Variants in LRP1B observed in about 807,000 individuals in gnomAD.
LRP1B encodes LDL receptor related protein 1B.
A neutral mutation model predicts 556.6 loss-of-function variants in LRP1B; 217 were observed. The observed-to-expected ratio is 0.39, with a 90% CI of 0.35 to 0.44. The LOEUF (loss-of-function observed/expected upper bound fraction) is 0.44, where lower values mean the gene tolerates loss of function less well. LRP1B is among the 20% of genes least tolerant of loss of function. The pLI is 1.00. For missense variants in LRP1B, 5,053 were observed against 5,620.8 expected, an observed-to-expected ratio of 0.90 and a Z score of 3.23; for synonymous variants, 2,047 against 1,865.8, an observed-to-expected ratio of 1.10 and a Z score of -2.50.
intron 1 of LRP1B, among the ~76,000 whole-genome samples, chr2:141,824,845 T>C (rs1478986123): frequency 6.6e-6 from 1 of 152,114 alleles, no homozygotes; most frequent in African/African-American, 2.4e-5. Context: ...CCTAATCTCA[T>C]CTCGAATTGT....
chr2:140,827,634 A>C (rs999111099), intron 31 of LRP1B, among the ~76,000 whole-genome samples: 4 of 152,086 alleles, frequency 2.6e-5, no homozygotes, highest in Non-Finnish European at 5.9e-5. Flanking sequence ...AATAACCTCA[A>C]AAGTGTAAAT....
intron 32 of LRP1B, among the ~76,000 whole-genome samples, chr2:140,794,751 T>C (rs915888410): frequency 2.0e-5 from 3 of 152,072 alleles, no homozygotes; most frequent in Admixed American, 2.0e-4. Context: ...GTAGCTGGTA[T>C]TACAGGCATG....
At chr2:140,873,209 G>T (rs182442108) in intron 25 of LRP1B, among the ~76,000 whole-genome samples, 31 of 152,128 alleles carry the variant, frequency 2.0e-4, no homozygotes, top group African/African-American at 6.5e-4. Context: ...ATATTATAAG[G>T]TGTCAAAATT....
chr2:140,281,988 A>T (rs1483591508), intron 84 of LRP1B, among the ~76,000 whole-genome samples: 1 of 131,514 alleles, frequency 7.6e-6, no homozygotes, highest in Non-Finnish European at 1.8e-5. Context: ...GGATGAGATA[A>T]TAAGGAAAAG....
intron 7 of LRP1B, among the ~76,000 whole-genome samples, chr2:141,137,012 A>T (rs1206530995): frequency 6.8e-6 from 1 of 147,496 alleles, no homozygotes; most frequent in Non-Finnish European, 1.5e-5. Flanking sequence ...TGATTCTAAC[A>T]AAATGTGCAG....
At chr2:140,321,882 T>G (rs2105052693) in intron 82 of LRP1B, 81 bp downstream of exon 82, 1 of 1,372,768 alleles carries the variant, frequency 7.3e-7, no homozygotes, top group Non-Finnish European at 1.0e-6. Context: ...ATGGAACAGA[T>G]AATTTCACTC....
intron 83 of LRP1B, among the ~76,000 whole-genome samples, chr2:140,302,241 G>T (rs918450184): frequency 6.6e-6 from 1 of 151,956 alleles, no homozygotes; most frequent in Non-Finnish European, 1.5e-5. Flanking sequence ...CTGTCTAAAT[G>T]CCTCTGTCCC....
At chr2:140,504,971 A>G (rs144147966) in intron 53 of LRP1B, among the ~76,000 whole-genome samples, 12 of 152,322 alleles carry the variant, frequency 7.9e-5, no homozygotes, top group Non-Finnish European at 1.0e-4. Context: ...CAAAATGTAC[A>G]CTGGCCTCTG....
At chr2:140,944,925 A>C (rs1029236981) in intron 20 of LRP1B, among the ~76,000 whole-genome samples, 1 of 152,316 alleles carries the variant, frequency 6.6e-6, no homozygotes, top group Non-Finnish European at 1.5e-5. Flanking sequence ...ATCAGTTAAT[A>C]GAATGAAATA....
intron 3 of LRP1B, among the ~76,000 whole-genome samples, chr2:141,357,199 G>A (rs568946947): frequency 6.6e-6 from 1 of 152,104 alleles, no homozygotes; most frequent in South Asian, 2.1e-4. Context: ...GGGACTACAG[G>A]CGTGCACCAC....
chr2:140,541,918 A>G lies in LRP1B; in HGVS notation c.7248T>C (p.Asn2416=), dbSNP rs757953483. ...TTCCCCAGTCCGACCAGAATATATAATTGTCATAAACAGCCAAACTGAGGA... is the reference window on the plus strand; with the variant it reads ...TTCCCCAGTCCGACCAGAATATATAGTTGTCATAAACAGCCAAACTGAGGA... ...GTFLSLAVYD[N]YIFWSDWGRR... Residue 2416 remains asparagine (N), a synonymous_variant, in exon 44 of 91, where the codon AAT becomes AAC. Coordinates refer to ENST00000389484, the MANE Select transcript of LRP1B (RefSeq NM_018557.3). 2.5e-6 allele frequency: 4 copies of G among 1,611,864 alleles called. No homozygotes were observed. Among genetic ancestry groups the G allele is most frequent in the Non-Finnish European group, 3.4e-6 (4 of 1,178,598 alleles).
chr2:141,675,430 T>C (rs960694886), intron 2 of LRP1B, among the ~76,000 whole-genome samples: 1 of 151,890 alleles, frequency 6.6e-6, no homozygotes, highest in Non-Finnish European at 1.5e-5. Context: ...CCATAGAACA[T>C]AGTAGTAAGA....
intron 46 of LRP1B, among the ~76,000 whole-genome samples, chr2:140,536,251 G>T (rs1690961820): frequency 1.5e-5 from 2 of 134,106 alleles, no homozygotes; most frequent in African/African-American, 2.8e-5. Flanking sequence ...GAAGTGGGAG[G>T]ATTGCTTGAG....
At chr2:141,411,663 T>C (rs902469831) in intron 3 of LRP1B, among the ~76,000 whole-genome samples, 3 of 152,152 alleles carry the variant, frequency 2.0e-5, no homozygotes, top group Non-Finnish European at 4.4e-5. Flanking sequence ...TATTCTGTCC[T>C]GCTAATGCAG....
chr2:141,681,998 T>A (rs1296286032), intron 2 of LRP1B, among the ~76,000 whole-genome samples: 1 of 152,162 alleles, frequency 6.6e-6, no homozygotes, highest in Non-Finnish European at 1.5e-5. Flanking sequence ...CTCTCAATTC[T>A]TGCTTTAACT....
At chr2:142,070,032 C>A (rs1215807710) in intron 1 of LRP1B, among the ~76,000 whole-genome samples, 7 of 151,746 alleles carry the variant, frequency 4.6e-5, no homozygotes, top group Admixed American at 4.6e-4. Flanking sequence ...TTATAGACCT[C>A]TTCTTAGCCT....
chr2:140,825,002 G>A (rs1257952235), intron 31 of LRP1B, among the ~76,000 whole-genome samples: 6 of 152,074 alleles, frequency 3.9e-5, no homozygotes, highest in Admixed American at 6.5e-5. Flanking sequence ...GCTTTGTGGT[G>A]CTTCTCTTTT....
At chr2:140,990,877 T>C (rs1573958388) in intron 16 of LRP1B, among the ~76,000 whole-genome samples, 2 of 152,138 alleles carry the variant, frequency 1.3e-5, no homozygotes, top group South Asian at 4.1e-4. Context: ...AATGTTTATA[T>C]TTGTTTTACT....
intron 66 of LRP1B, among the ~76,000 whole-genome samples, chr2:140,391,559 G>T (rs1380360588): frequency 6.6e-6 from 1 of 152,094 alleles, no homozygotes; most frequent in East Asian, 1.9e-4. Flanking sequence ...ATTGCAAGGA[G>T]TTTTTAAAAA....
Sources: allele counts gnomAD v4.1 joint callset (sites outside exome capture counted in the v4.1 genomes callset), GRCh38; gene constraint gnomAD v4.1.1; transcripts MANE v1.5; gene names NCBI Gene and HGNC (gene_info 2026-07-23, HGNC 2026-07-21).